Variants in SAMD12 observed in about 807,000 individuals in gnomAD.
SAMD12 encodes sterile alpha motif domain-containing protein 12.
SAMD12 carries 9 observed loss-of-function variants against 15.0 expected under a neutral mutation model. The observed-to-expected ratio is 0.60, with a 90% CI of 0.36 to 1.05. SAMD12 has a LOEUF of 1.05. Among genes scored for constraint, SAMD12 ranks in the 50% least tolerant of loss-of-function variants. The pLI is 0.01. For synonymous variants in SAMD12, 86 were observed against 90.1 expected (o/e 0.96, Z 0.25); for missense variants, 230 against 234.2 (o/e 0.98, Z 0.12).
At chr8:118,324,982 A>C (rs1355027239) in intron 4 of SAMD12, among the ~76,000 whole-genome samples, 1 of 152,174 alleles carries the variant, frequency 6.6e-6, no homozygotes, top group African/African-American at 2.4e-5. Context: ...GTTGACTCAC[A>C]ACTGGTCATA....
At chr8:118,296,603 T>C (rs1382685180) in intron 4 of SAMD12, among the ~76,000 whole-genome samples, 2 of 152,254 alleles carry the variant, frequency 1.3e-5, no homozygotes, top group Non-Finnish European at 2.9e-5. Flanking sequence ...ACATAGTAGG[T>C]ACCCAGTCAA....
chr8:118,496,477 T>C (rs1407921540), intron 2 of SAMD12, among the ~76,000 whole-genome samples: 1 of 152,152 alleles, frequency 6.6e-6, no homozygotes, highest in Non-Finnish European at 1.5e-5. Flanking sequence ...GAGAAAGGAC[T>C]CCCTATTCAA....
intron 1 of SAMD12, among the ~76,000 whole-genome samples, chr8:118,615,477 A>G (rs1226781194): frequency 1.3e-5 from 2 of 152,154 alleles, no homozygotes; most frequent in African/African-American, 4.8e-5. Flanking sequence ...CATCTCGTAG[A>G]GTTCCTTGTA....
intron 4 of SAMD12, among the ~76,000 whole-genome samples, chr8:118,304,759 C>CATAAATAAATAAATAAATAA (rs55985938): frequency 7.1e-6 from 1 of 141,536 alleles, no homozygotes; most frequent in Non-Finnish European, 1.5e-5. Flanking sequence ...GACTCCATCT[C>CATAAATAAATAAATAAATAA]ATAAATAAAT....
intron 2 of SAMD12, among the ~76,000 whole-genome samples, chr8:118,508,903 A>G (rs758163367): frequency 2.0e-5 from 3 of 149,788 alleles, no homozygotes; most frequent in Non-Finnish European, 4.4e-5. Flanking sequence ...ATGTTACAAC[A>G]TGATTGAGAG....
intron 4 of SAMD12, among the ~76,000 whole-genome samples, chr8:118,309,527 TATA>T (rs1300521644): frequency 6.6e-6 from 1 of 152,168 alleles, no homozygotes; most frequent in Non-Finnish European, 1.5e-5. Flanking sequence ...ATCTTTTTCA[TATA>T]ATGACTTCTT....
At chr8:118,591,909 A>G (rs530620179) in intron 1 of SAMD12, among the ~76,000 whole-genome samples, 16 of 152,228 alleles carry the variant, frequency 1.1e-4, no homozygotes, top group Admixed American at 7.2e-4. Flanking sequence ...AGAAGGAAAA[A>G]GTATAGAATT....
intron 4 of SAMD12, among the ~76,000 whole-genome samples, chr8:118,344,403 T>C (rs1168205502): frequency 6.6e-6 from 1 of 152,258 alleles, no homozygotes; most frequent in Non-Finnish European, 1.5e-5. Context: ...AGCCCAGTGC[T>C]GAGCACTTTA....
chr8:118,533,511 C>T lies in SAMD12; in HGVS notation c.192+47204G>A, dbSNP rs188692428. The stretch of plus-strand genomic sequence containing the variant: ...GGACATCCTTATTAACTTTCTGTCT[C>T]GTTGATCTGTCTAATGTTGACAGTG... On this transcript the variant is annotated intron_variant, in intron 2 of 3. Coordinates refer to ENST00000314727, the MANE Select transcript of SAMD12 (RefSeq NM_207506.3). Among the ~76,000 whole-genome samples the T allele has an allele frequency of 2.0e-3, 298 of 152,238 alleles. 1 individual carries two copies. Among genetic ancestry groups the T allele is most frequent in the African/African-American group, 6.9e-3 (286 of 41,530 alleles).
chr8:118,177,237 G>T, the SAMD12 span, among the ~76,000 whole-genome samples: 5 of 124,816 alleles, frequency 4.0e-5, no homozygotes, highest in Admixed American at 8.7e-5. Context: ...AAGCCACAGA[G>T]AATTTTTTTT....
rs115909423 is a variant in SAMD12 at position 118,372,796 on chromosome 8, C to T, written c.433+6764G>A. 2.9e-3 allele frequency among the ~76,000 whole-genome samples: 438 copies of T among 152,140 alleles called. 4 individuals carry two copies. Among genetic ancestry groups the T allele is most frequent in the African/African-American group, 0.01 (418 of 41,542 alleles). On this transcript the variant is annotated intron_variant, in intron 4 of 4. Coordinates refer to the SAMD12 transcript ENST00000409003. ...TTAAAAATAATGGCAAAAAACACAA[C>T]TACTTTTGCACCAACCTAATACATT...
chr8:118,405,079 G>A (rs1821061013), intron 3 of SAMD12, among the ~76,000 whole-genome samples: 1 of 152,156 alleles, frequency 6.6e-6, no homozygotes, highest in African/African-American at 2.4e-5. Flanking sequence ...ATGGATAAAA[G>A]TAAAAACACT....
At chr8:118,439,269 T>C (rs1360396845) in intron 3 of SAMD12, among the ~76,000 whole-genome samples, 3 of 152,174 alleles carry the variant, frequency 2.0e-5, no homozygotes, top group Admixed American at 2.0e-4. Flanking sequence ...TTATATTCCA[T>C]TTCAGAAACT....
chr8:118,548,390 C>CACACAT (rs1826194767), intron 2 of SAMD12, among the ~76,000 whole-genome samples: 1 of 59,078 alleles, frequency 1.7e-5, no homozygotes, highest in African/African-American at 5.0e-5. Context: ...CACATACACA[C>CACACAT]ACACACACAC....
rs1005093302 is a variant in SAMD12, at chr8:118,580,992, G to A, written c.14-99C>T. ...CAAGCCTAAGTAGGAAAAAAACGAG[G>A]CATCTATGAGTCGAGAGGTGGTGTG... is the stretch of plus-strand genomic sequence containing the variant. On this transcript the variant is annotated intron_variant, in intron 1 of 3. Transcript: ENST00000314727. The A allele has an allele frequency of 1.1e-5, 9 of 850,898 alleles. No individual in the cohort carries two copies. The East Asian group carries it at 1.9e-4, about 18-fold the overall frequency. The allele number at this position is 850,898 out of a possible 1,614,324, so 52.7% of individuals were successfully genotyped here. A position where few individuals can be genotyped will look rare whatever the true frequency, so the allele number is the denominator to read the frequency against.
rs56822477 is a variant in SAMD12, at chr8:118,505,343, CTT to C, written c.193-65384_193-65383del. On this transcript the variant is annotated intron_variant, in intron 2 of 3. Coordinates refer to ENST00000314727, the MANE Select transcript of SAMD12 (RefSeq NM_207506.3). Reference sequence around the variant, plus strand: ...TGTCTCCTTTCTTATGGGCAGAGCTCTTTTTTTTTTTTTTTTTCAGGGCAGTA... The same window carrying C: ...TGTCTCCTTTCTTATGGGCAGAGCTCTTTTTTTTTTTTTTTCAGGGCAGTA... Among the ~76,000 whole-genome samples the C allele has an allele frequency of 2.5e-3, 339 of 133,340 alleles. 1 individual carries two copies. Among genetic ancestry groups the C allele is most frequent in the Middle Eastern group, 0.013 (3 of 232 alleles). 87.5% of individuals were successfully genotyped at this position (133,340 alleles called of 152,430 possible). A position where few individuals can be genotyped will look rare whatever the true frequency, so the allele number is the denominator to read the frequency against.
At chr8:118,249,870 T>C (rs541986143) in intron 4 of SAMD12, among the ~76,000 whole-genome samples, 20 of 152,254 alleles carry the variant, frequency 1.3e-4, no homozygotes, top group Admixed American at 7.2e-4. Flanking sequence ...AGGTGGATGT[T>C]CCTGGAGAAG....
downstream of SAMD12, among the ~76,000 whole-genome samples, chr8:118,185,997 A>C (rs1036218238): frequency 6.6e-6 from 1 of 152,146 alleles, no homozygotes; most frequent in Admixed American, 6.6e-5. Flanking sequence ...TATTTCCAAA[A>C]GTGTTTGTTC....
chr8:118,405,892 A>T (rs1243686071), intron 3 of SAMD12, among the ~76,000 whole-genome samples: 1 of 152,192 alleles, frequency 6.6e-6, no homozygotes, highest in Non-Finnish European at 1.5e-5. Context: ...TCTGTAAATA[A>T]ATGTTAACAG....
Sources: allele counts gnomAD v4.1 joint callset (sites outside exome capture counted in the v4.1 genomes callset), GRCh38; gene constraint gnomAD v4.1.1; transcripts MANE v1.5; gene names NCBI Gene and HGNC (gene_info 2026-07-23, HGNC 2026-07-21).